The following CRPPA variants were observed in gnomAD, a reference collection of about 807,000 sequenced individuals.
CRPPA encodes D-ribitol-5-phosphate cytidylyltransferase.
In CRPPA, 43 loss-of-function variants were observed where a neutral mutation model predicts 52.0. The observed-to-expected ratio is 0.83, with a 90% CI of 0.65 to 1.07. CRPPA has a LOEUF of 1.07. Among genes scored for constraint, CRPPA ranks in the 50% least tolerant of loss-of-function variants. The pLI is 0.00. For synonymous variants in CRPPA, 250 were observed against 203.5 expected (o/e 1.23, Z -1.94); for missense variants, 629 against 551.7 (o/e 1.14, Z -1.40).
chr7:16,200,548 T>C (rs1455104504), intron 9 of CRPPA, among the ~76,000 whole-genome samples: 1 of 152,240 alleles, frequency 6.6e-6, no homozygotes, highest in Non-Finnish European at 1.5e-5. Context: ...AAAAGTTCAA[T>C]TAAAAATATA....
chr7:16,194,815 C>T (rs1012808779), intron 9 of CRPPA, among the ~76,000 whole-genome samples: 3 of 149,266 alleles, frequency 2.0e-5, no homozygotes, highest in East Asian at 2.0e-4. Flanking sequence ...AATTATGCTC[C>T]GGTGAGTTTA....
chr7:16,281,922 T>A (rs1784329797), intron 5 of CRPPA, among the ~76,000 whole-genome samples: 1 of 152,186 alleles, frequency 6.6e-6, no homozygotes, highest in Non-Finnish European at 1.5e-5. Flanking sequence ...TCTTTTTCAT[T>A]TCTGATACTG....
intron 8 of CRPPA, among the ~76,000 whole-genome samples, chr7:16,246,531 G>C (rs1244289857): frequency 6.6e-6 from 1 of 152,142 alleles, no homozygotes; most frequent in Admixed American, 6.6e-5. Context: ...AATCTATCTA[G>C]GGCAGTGATA....
At chr7:16,250,995 G>T (rs991950590) in intron 8 of CRPPA, among the ~76,000 whole-genome samples, 2 of 151,440 alleles carry the variant, frequency 1.3e-5, no homozygotes, top group Non-Finnish European at 2.9e-5. Context: ...CACATGCAAA[G>T]ACATACATAC....
intron 9 of CRPPA, among the ~76,000 whole-genome samples, chr7:16,123,503 C>G (rs1782516957): frequency 6.6e-6 from 1 of 152,108 alleles, no homozygotes; most frequent in South Asian, 2.1e-4. Flanking sequence ...TTCACATTAA[C>G]CACAAGAAGC....
chr7:16,106,067 C>T (rs968592410), intron 9 of CRPPA, among the ~76,000 whole-genome samples: 1 of 152,116 alleles, frequency 6.6e-6, no homozygotes, highest in African/African-American at 2.4e-5. Context: ...GCCAGCTTGA[C>T]CCAGAAAGTC....
At chr7:16,234,233 A>C (rs1405097617) in intron 8 of CRPPA, among the ~76,000 whole-genome samples, 1 of 152,118 alleles carries the variant, frequency 6.6e-6, no homozygotes, top group African/African-American at 2.4e-5. Flanking sequence ...TCCAACAAAA[A>C]GTTTGAATAC....
intron 6 of CRPPA, chr7:16,270,278 C>A (rs1784061246): frequency 6.6e-6 from 1 of 151,974 alleles, no homozygotes; most frequent in Admixed American, 6.6e-5. Flanking sequence ...GATTAACCAT[C>A]TGGTTCCTTT....
chr7:16,294,237 G>T (rs375162282), intron 5 of CRPPA, among the ~76,000 whole-genome samples: 34 of 151,668 alleles, frequency 2.2e-4, no homozygotes, highest in African/African-American at 4.6e-4. Context: ...GTTTTTTTGG[G>T]TTTTTTTTAA....
At chr7:16,095,557 T>G (rs1041392220) in intron 9 of CRPPA, among the ~76,000 whole-genome samples, 8 of 152,224 alleles carry the variant, frequency 5.3e-5, no homozygotes, top group African/African-American at 1.7e-4. Context: ...CCATTAAATC[T>G]GGAAAACTTA....
chr7:16,114,198 A>G (rs1051168055), intron 9 of CRPPA, among the ~76,000 whole-genome samples: 4 of 151,882 alleles, frequency 2.6e-5, no homozygotes, highest in Non-Finnish European at 5.9e-5. Context: ...AAATTGGAGT[A>G]AAAACAAAGG....
At chr7:16,376,371 G>A (rs1786886175) in intron 2 of CRPPA, 130 bp from the exon 3 acceptor site, 3 of 897,778 alleles carry the variant, frequency 3.3e-6, no homozygotes, top group African/African-American at 1.8e-5. Flanking sequence ...AAACATCTGA[G>A]TAAGTGTGAT....
At chr7:16,117,897 C>T (rs998067670) in intron 9 of CRPPA, among the ~76,000 whole-genome samples, 1 of 152,304 alleles carries the variant, frequency 6.6e-6, no homozygotes, top group Admixed American at 6.5e-5. Flanking sequence ...CTTACTTCCC[C>T]ACCTTTGAGT....
chr7:16,409,811 AT>A (rs886079646), intron 1 of CRPPA, among the ~76,000 whole-genome samples: 12 of 152,284 alleles, frequency 7.9e-5, no homozygotes, highest in African/African-American at 2.9e-4. Context: ...AATTTTTACC[AT>A]TTTTCAAGAT....
At chr7:16,308,446 T>TA in intron 4 of CRPPA, 77 bp downstream of exon 4, 1 of 779,468 alleles carries the variant, frequency 1.3e-6, no homozygotes, top group Non-Finnish European at 2.2e-6. Flanking sequence ...CTCAATGCAC[T>TA]ACTGGTTTTA....
intron 3 of CRPPA, among the ~76,000 whole-genome samples, chr7:16,329,609 C>T (rs1019669448): frequency 6.6e-6 from 1 of 152,188 alleles, no homozygotes; most frequent in Non-Finnish European, 1.5e-5. Flanking sequence ...AAACAGACTC[C>T]TTACAAGTAT....
intron 3 of CRPPA, among the ~76,000 whole-genome samples, chr7:16,315,715 T>C (rs1390260757): frequency 6.7e-6 from 1 of 149,490 alleles, no homozygotes; most frequent in African/African-American, 2.4e-5. Flanking sequence ...GAAGTAAAAC[T>C]CATAAGACTG....
chr7:16,131,484 G>C (rs1194446134), intron 9 of CRPPA, among the ~76,000 whole-genome samples: 6 of 152,318 alleles, frequency 3.9e-5, no homozygotes, highest in African/African-American at 1.4e-4. Context: ...CCAGTGGGCT[G>C]AAATGTGACC....
At position 16,378,091 on chromosome 7, in the gene CRPPA, CT is replaced by C. The variant is rs544795408; in HGVS notation, c.535-1851del. Among the ~76,000 whole-genome samples the C allele has an allele frequency of 6.5e-3, 990 of 151,204 alleles. 9 individuals carry two copies. The highest frequency in any genetic ancestry group is 0.017 in the Middle Eastern group (5 of 290). ...TAAAGCAGTGATGTGGTGATTTTTC[CT>C]TTTTTTTTAATTTTTTTAAATTTTA... On this transcript the variant is annotated intron_variant, in intron 2 of 9. Coordinates refer to ENST00000407010, the MANE Select transcript of CRPPA (RefSeq NM_001101426.4).
Sources: allele counts gnomAD v4.1 joint callset (sites outside exome capture counted in the v4.1 genomes callset), GRCh38; gene constraint gnomAD v4.1.1; transcripts MANE v1.5; gene names NCBI Gene and HGNC (gene_info 2026-07-23, HGNC 2026-07-21).